The following ARHGAP40 variants were observed in gnomAD, a reference collection of about 807,000 sequenced individuals.
ARHGAP40 encodes the protein Rho GTPase activating protein 40, also known as rho GTPase-activating protein 40.
A neutral mutation model predicts 73.5 loss-of-function variants in ARHGAP40; 43 were observed. The ratio of observed to expected loss-of-function variants is 0.58; its 90% CI spans 0.46 to 0.75. The LOEUF (loss-of-function observed/expected upper bound fraction) is 0.75. ARHGAP40 is among the 30% of genes least tolerant of loss of function. The pLI is 0.00. For synonymous variants in ARHGAP40, 300 were observed against 352.8 expected, an observed-to-expected ratio of 0.85 and a Z score of 1.68; for missense variants, 734 against 861.8, an observed-to-expected ratio of 0.85 and a Z score of 1.86.
exon 1 of ARHGAP40, chr20:38,601,981 G>A (rs1009290855): frequency 7.8e-7 from 1 of 1,287,944 alleles, no homozygotes; most frequent in Non-Finnish European, 1.0e-6. Context: ...CCCAGATGGA[G>A]AGGCTGGCCC....
chr20:38,637,603 A>G (rs2088983974), intron 6 of ARHGAP40, 105 bp from the exon 7 acceptor site: 1 of 899,478 alleles, frequency 1.1e-6, no homozygotes, highest in South Asian at 1.4e-5. Context: ...CAGTCCTTCC[A>G]CAGGAAAAGG....
intron 13 of ARHGAP40, among the ~76,000 whole-genome samples, chr20:38,648,049 G>T (rs182333544): frequency 2.6e-5 from 4 of 152,290 alleles, no homozygotes; most frequent in African/African-American, 9.6e-5. Context: ...GAGCTTCCTT[G>T]TTGGCATTGG....
At chr20:38,607,361 G>C (rs1179857601) in intron 1 of ARHGAP40, among the ~76,000 whole-genome samples, 2 of 152,156 alleles carry the variant, frequency 1.3e-5, no homozygotes, top group African/African-American at 4.8e-5. Flanking sequence ...TCGAAACCCG[G>C]AACGGCCACC....
Position 38,648,594 on chromosome 20 carries a change from C to T in ARHGAP40, c.1881-49C>T, listed in dbSNP as rs749256637. ...TGCACAGTTGTTGGTCTTGATGTTT[C>T]CAGAAGAAAAAGGCAGTAGTTTTTT... On this transcript the variant is annotated intron_variant, in intron 13 of 14. Transcript: ENST00000373345. The T allele has an allele frequency of 7.8e-6, 10 of 1,281,836 alleles. No individual in the cohort carries two copies. In the South Asian group the frequency reaches 1.3e-4, roughly 16 times the overall value. 79.4% of individuals were successfully genotyped at this position (1,281,836 alleles called of 1,614,324 possible). A position where few individuals can be genotyped will look rare whatever the true frequency, so the allele number is the denominator to read the frequency against.
intron 1 of ARHGAP40, among the ~76,000 whole-genome samples, chr20:38,616,708 T>C (rs2088841669): frequency 6.6e-6 from 1 of 152,158 alleles, no homozygotes; most frequent in African/African-American, 2.4e-5. Context: ...GAAGAGTAAA[T>C]GAATTAATCC....
Position 38,646,181 on chromosome 20 carries a change from C to T in ARHGAP40, c.1704C>T (p.Leu568=). The change falls in exon 12 of 15, where the codon CTC becomes CTT. Residue 568 remains leucine, a synonymous_variant. Transcript: ENST00000373345. This position sits in a 1 kb window ranked among gnomAD's most constrained non-coding sequence, Gnocchi z 4.5. Reference sequence around the variant, plus strand: ...ACAGGGACAAGGCGGGGGACGGCCTCGAGGCGGTGAGTGCCCCCGACCCCA... The same window carrying T: ...ACAGGGACAAGGCGGGGGACGGCCTTGAGGCGGTGAGTGCCCCCGACCCCA... 2 of 1,301,116 alleles carry T rather than the reference C, an allele frequency of 1.5e-6. No individual in the cohort carries two copies. Among genetic ancestry groups the T allele is most frequent in the African/African-American group, 1.5e-5 (1 of 65,938 alleles). The allele number at this position is 1,301,116 out of a possible 1,614,324, so 80.6% of individuals were successfully genotyped here.
chr20:38,623,701 C>T, intron 2 of ARHGAP40, 143 bp downstream of exon 2: 1 of 504,696 alleles, frequency 2.0e-6, no homozygotes, highest in South Asian at 2.3e-5. Flanking sequence ...CTTCACTGCT[C>T]TCCCTGCTTC....
intron 4 of ARHGAP40, 48 bp downstream of exon 4, chr20:38,629,050 T>G: frequency 8.0e-7 from 1 of 1,255,722 alleles, no homozygotes; most frequent in Non-Finnish European, 1.1e-6. Context: ...CCAGGCTGCA[T>G]AAAGGGCTGC....
chr20:38,649,768 C>T (rs1318698027), exon 15 of ARHGAP40: 1 of 1,305,186 alleles, frequency 7.7e-7, no homozygotes, highest in Non-Finnish European at 1.0e-6. Context: ...TGAGCATCGC[C>T]TGGACCCAGA....
intron 3 of ARHGAP40, among the ~76,000 whole-genome samples, chr20:38,628,187 G>A (rs551758207): frequency 6.6e-6 from 1 of 152,306 alleles, no homozygotes; most frequent in African/African-American, 2.4e-5. Context: ...GTAATTTCCA[G>A]GTGTTGCCAT....
intron 1 of ARHGAP40, among the ~76,000 whole-genome samples, chr20:38,613,806 T>C (rs2088817549): frequency 6.6e-6 from 1 of 152,234 alleles, no homozygotes; most frequent in South Asian, 2.1e-4. Flanking sequence ...TAACACAAAA[T>C]AGCCATGCTT....
intron 1 of ARHGAP40, among the ~76,000 whole-genome samples, chr20:38,609,686 G>A (rs1414699248): frequency 6.6e-6 from 1 of 152,222 alleles, no homozygotes; most frequent in Non-Finnish European, 1.5e-5. Context: ...TAGGCACTGA[G>A]CAGGCCAAGG....
Position 38,615,198 on chromosome 20 carries a change from TA to T in ARHGAP40, c.138-8158del. 7 of 791,308 alleles carry T rather than the reference TA, an allele frequency of 8.8e-6. No homozygotes were observed. The South Asian group carries it at 9.4e-5, about 11-fold the overall frequency. The allele number at this position is 791,308 out of a possible 1,614,324, so 49.0% of individuals were successfully genotyped here. On this transcript the variant is annotated intron_variant, in intron 1 of 14. Transcript: ENST00000373345. ...TGGGAGCTTGGTAAGTTCCATGTAG[TA>T]AAGGCTGGTGGGCATTGAGGTAAAA...
At chr20:38,628,093 G>A (rs2088913931) in intron 3 of ARHGAP40, among the ~76,000 whole-genome samples, 1 of 152,238 alleles carries the variant, frequency 6.6e-6, no homozygotes, top group Non-Finnish European at 1.5e-5. Context: ...TGTGTGTCCA[G>A]AGCAACAGCT....
intron 5 of ARHGAP40, among the ~76,000 whole-genome samples, chr20:38,632,470 C>G (rs1172199929): frequency 6.6e-6 from 1 of 151,718 alleles, no homozygotes; most frequent in Admixed American, 6.6e-5. Flanking sequence ...ACCGTGTTAG[C>G]CAGGATGGTC....
intron 3 of ARHGAP40, among the ~76,000 whole-genome samples, chr20:38,627,571 A>AT (rs2088908706): frequency 5.3e-5 from 3 of 56,678 alleles, no homozygotes; most frequent in Non-Finnish European, 7.4e-5. Flanking sequence ...ATGTGTGTTG[A>AT]GTGTGTGTGT....
chr20:38,627,283 G>A, intron 3 of ARHGAP40, 68 bp downstream of exon 3: 1 of 1,255,760 alleles, frequency 8.0e-7, no homozygotes, highest in Non-Finnish European at 1.1e-6. Context: ...CACAGCCTGA[G>A]AGATGCAGTG....
chr20:38,614,974 GGTTGAGC>G (rs1360236031), intron 1 of ARHGAP40: 2 of 1,235,238 alleles, frequency 1.6e-6, no homozygotes, highest in East Asian at 4.6e-5. Context: ...TTGTACGTGT[GGTTGAGC>G]GCTTGTGTGA....
At chr20:38,619,975 G>C (rs6100424) in intron 1 of ARHGAP40, among the ~76,000 whole-genome samples, 15 of 152,262 alleles carry the variant, frequency 9.9e-5, no homozygotes, top group African/African-American at 3.4e-4. Flanking sequence ...GGGGGGCTGA[G>C]GTGGGAGCAT....
Sources: gnomAD v4.1 joint callset for allele counts (sites outside exome capture counted in the v4.1 genomes callset) on GRCh38, gnomAD v4.1.1 for gene constraint, Gnocchi (gnomAD v3.1) non-coding constraint, MANE v1.5 for transcripts, NCBI Gene and HGNC (gene_info 2026-07-23, HGNC 2026-07-21) for gene names.